The following DLGAP3 variants were observed in gnomAD, a reference collection of about 807,000 sequenced individuals.
DLGAP3 encodes the protein disks large-associated protein 3.
Under a neutral mutation model 81.2 loss-of-function variants are expected in DLGAP3, and 17 were observed. That is an observed-to-expected ratio of 0.21 (90% CI 0.14 to 0.31). The LOEUF is 0.31. Ranked by LOEUF, DLGAP3 falls within the 10% of genes least tolerant of loss-of-function variation. The probability of loss-of-function intolerance (pLI) is 1.00; values close to 1 mark genes in which losing one functional copy is unlikely to be tolerated. For synonymous variants in DLGAP3, 577 were observed against 587.4 expected (o/e 0.98, Z 0.26); for missense variants, 1,124 against 1,388.0 (o/e 0.81, Z 3.02).
At chr1:34,926,683 A>C (rs1022063702) in intron 1 of DLGAP3, among the ~76,000 whole-genome samples, 4 of 152,128 alleles carry the variant, frequency 2.6e-5, no homozygotes, top group African/African-American at 9.7e-5. Context: ...CCTCACCCCC[A>C]AAAAACTAAA....
Position 34,904,462 on chromosome 1 carries a change from A to T in DLGAP3, c.922T>A (p.Ser308Thr). ...DLSFKGRSGG[S>T]EGRCLACTGM... ...GTGCAGGCAAGGCAGCGGCCTTCCG[A>T]CCCGCCCGAGCGCCCCTTGAAGCTC... is the stretch of plus-strand genomic sequence containing the variant. Residue 308 changes from serine to threonine, a missense_variant, in exon 3 of 12, where the codon TCG becomes ACG. Physicochemically the swap from Ser to Thr is moderately conservative, Grantham distance 58 (BLOSUM62 1). Transcript: ENST00000373347. The surrounding 1 kb of genome is among the most constrained non-coding windows in gnomAD (Gnocchi z 8.1). 1.2e-6 allele frequency: 2 copies of T among 1,614,052 alleles called. No individual in the cohort carries two copies. Among genetic ancestry groups the T allele is most frequent in the Non-Finnish European group, 1.7e-6 (2 of 1,180,014 alleles).
chr1:34,870,408 G>A (rs1638961841), intron 8 of DLGAP3, among the ~76,000 whole-genome samples: 1 of 152,166 alleles, frequency 6.6e-6, no homozygotes, highest in African/African-American at 2.4e-5. Flanking sequence ...ATGGTCAGAA[G>A]GGATTGTGGG....
rs1005216004 is a variant in DLGAP3 at position 34,929,138 on chromosome 1, T to C, written c.-135+313A>G. On this transcript the variant is annotated intron_variant, in intron 1 of 11. Transcript: ENST00000373347. This position sits in a 1 kb window ranked among gnomAD's most constrained non-coding sequence, Gnocchi z 6.5. ...CCCCCACAACCAGCTGGCTACTCCCTCCCAGACCCGAGCCTCCAGCCGGGC... is the reference window on the plus strand; with the variant it reads ...CCCCCACAACCAGCTGGCTACTCCCCCCCAGACCCGAGCCTCCAGCCGGGC... 6.6e-6 allele frequency among the ~76,000 whole-genome samples: 1 copy of C among 151,764 alleles called. No homozygotes were observed.
chr1:34,872,552 C>T (rs1396483703), intron 8 of DLGAP3, among the ~76,000 whole-genome samples: 2 of 152,286 alleles, frequency 1.3e-5, no homozygotes, highest in African/African-American at 2.4e-5. Flanking sequence ...ATCCCCAGAA[C>T]CCAGGAATAT....
intron 2 of DLGAP3, among the ~76,000 whole-genome samples, chr1:34,906,016 T>TTATTTA (rs1553123745): frequency 1.5e-5 from 1 of 64,808 alleles, no homozygotes; most frequent in Non-Finnish European, 3.4e-5. Flanking sequence ...GCCTCTAAAT[T>TTATTTA]TATATATATA....
chr1:34,919,559 A>G (rs1639767673), intron 1 of DLGAP3, among the ~76,000 whole-genome samples: 1 of 152,154 alleles, frequency 6.6e-6, no homozygotes, highest in African/African-American at 2.4e-5. Flanking sequence ...TGGGCGGATC[A>G]CTTGAGGTCA....
At chr1:34,885,998 A>AG in intron 6 of DLGAP3, 74 bp downstream of exon 6, 3 of 1,435,218 alleles carry the variant, frequency 2.1e-6, no homozygotes, top group Non-Finnish European at 2.9e-6. Context: ...AGCACAGTCG[A>AG]GGGGGAGGCC....
intron 8 of DLGAP3, among the ~76,000 whole-genome samples, chr1:34,880,469 G>A (rs1030547582): frequency 4.6e-5 from 7 of 152,162 alleles, no homozygotes; most frequent in African/African-American, 1.7e-4. Context: ...AGTGGCTCAC[G>A]CCTGTAATCC....
intron 2 of DLGAP3, among the ~76,000 whole-genome samples, chr1:34,906,168 G>T: frequency 6.7e-6 from 1 of 148,836 alleles, no homozygotes; most frequent in Non-Finnish European, 1.5e-5. Flanking sequence ...ATATACTTTG[G>T]GATGTGTGTG....
chr1:34,914,231 T>G lies in DLGAP3; in HGVS notation c.-134-6794A>C, dbSNP rs554785244. ...CTGCCATAGGCCCTTTGAGACACAA[T>G]TCAGCCTGATCAGCCTCACTCCTTC... On this transcript the variant is annotated intron_variant, in intron 1 of 11. Coordinates refer to ENST00000373347, the MANE Select transcript of DLGAP3 (RefSeq NM_001080418.3). Among the ~76,000 whole-genome samples the G allele has an allele frequency of 4.6e-5, 7 of 152,310 alleles. No homozygotes were observed. In the South Asian group the frequency reaches 1.4e-3, roughly 32 times the overall value.
chr1:34,881,143 C>T (rs1639137968), intron 8 of DLGAP3, among the ~76,000 whole-genome samples: 1 of 152,154 alleles, frequency 6.6e-6, no homozygotes, highest in African/African-American at 2.4e-5. Context: ...ACTTATGATA[C>T]ATTCATAAAT....
At chr1:34,870,696 T>G (rs1193839500) in intron 8 of DLGAP3, among the ~76,000 whole-genome samples, 1 of 152,120 alleles carries the variant, frequency 6.6e-6, no homozygotes, top group South Asian at 2.1e-4. Context: ...CCTCATTGCC[T>G]CCCACACAGT....
At position 34,885,731 on chromosome 1, in the gene DLGAP3, A is replaced by C. The variant is rs1005593750; in HGVS notation, c.1661T>G (p.Ile554Ser). The change falls in exon 7 of 12, where the codon ATC becomes AGC. Residue 554 changes from isoleucine (I) to serine (S), a missense_variant. Around this residue, in one of 9 missense-constraint regions of DLGAP3, gnomAD observed 379 missense variants for 455.7 expected, o/e 0.83. Transcript: ENST00000373347. The stretch of plus-strand genomic sequence containing the variant: ...GGTGCTGCTCTGGGCGGTGATGGAG[A>C]TGCGGGGCGGGGCCTGGCTTCCCGG... ...IPPGSQAPPR[I>S]SITAQSSTDS... is the part of the protein sequence containing the mutation. 3 of 1,416,710 alleles carry C rather than the reference A, an allele frequency of 2.1e-6. No homozygotes were observed. The highest frequency in any genetic ancestry group is 2.7e-6 in the Non-Finnish European group (3 of 1,093,662). 87.8% of individuals were successfully genotyped at this position (1,416,710 alleles called of 1,614,324 possible). A position where few individuals can be genotyped will look rare whatever the true frequency, so the allele number is the denominator to read the frequency against.
At position 34,929,583 on chromosome 1, in the gene DLGAP3, G is replaced by A. The variant is rs1639925391; in HGVS notation, c.-267C>T. 6.6e-6 allele frequency: 1 copy of A among 150,376 alleles called. No individual in the cohort carries two copies. Among genetic ancestry groups the A allele is most frequent in the South Asian group, 2.1e-4 (1 of 4,820 alleles). 9.3% of individuals were successfully genotyped at this position (150,376 alleles called of 1,614,324 possible). A position where few individuals can be genotyped will look rare whatever the true frequency, so the allele number is the denominator to read the frequency against. ...CCCCAGCTGAGGGGCCGCGCCGGCT[G>A]CGGAGCCCCAAGCGAGCGCCGAGCG... is the stretch of plus-strand genomic sequence containing the variant. On this transcript the variant is annotated 5_prime_UTR_variant, in exon 1 of 12. Transcript: ENST00000373347. The surrounding 1 kb of genome is among the most constrained non-coding windows in gnomAD (Gnocchi z 6.5).
Position 34,885,627 on chromosome 1 carries a change from CG to C in DLGAP3, c.1764del (p.Ala589ProfsTer89). The C allele has an allele frequency of 6.5e-7, 1 of 1,536,960 alleles. No homozygotes were observed. The stretch of plus-strand genomic sequence containing the variant: ...AACTCCAGTGTGCGCGCACCCATGG[CG>C]GGGCCGTCCAGCCCGTCGGCGGAGC... ...RCSSADGLDG[P>X]AMGARTLELA... is the part of the protein sequence containing the mutation. On this transcript the variant is annotated frameshift_variant, in exon 7 of 12. Coordinates refer to ENST00000373347, the MANE Select transcript of DLGAP3 (RefSeq NM_001080418.3). LOFTEE classifies it high-confidence loss of function.
chr1:34,866,954 T>TCC lies in DLGAP3; in HGVS notation c.2721+92_2721+93dup, dbSNP rs1638892185. On this transcript the variant is annotated intron_variant, in intron 11 of 11. Coordinates refer to ENST00000373347, the MANE Select transcript of DLGAP3 (RefSeq NM_001080418.3). The stretch of plus-strand genomic sequence containing the variant: ...CTGCCCTTGCTGCCCATGGATCCCT[T>TCC]CCCCTGCCCCCTTGTTCGTCCCACC... The TCC allele has an allele frequency of 2.8e-6, 4 of 1,450,722 alleles. No individual in the cohort carries two copies. The Admixed American group carries it at 6.7e-5, about 24-fold the overall frequency. 89.9% of individuals were successfully genotyped at this position (1,450,722 alleles called of 1,614,324 possible).
chr1:34,924,992 G>A (rs895008507), intron 1 of DLGAP3, among the ~76,000 whole-genome samples: 6 of 152,054 alleles, frequency 3.9e-5, no homozygotes, highest in Admixed American at 1.3e-4. Context: ...GGACAGCTCC[G>A]AAGGAGCAAA....
intron 5 of DLGAP3, among the ~76,000 whole-genome samples, chr1:34,898,990 G>A (rs967250600): frequency 6.6e-6 from 1 of 152,148 alleles, no homozygotes; most frequent in Non-Finnish European, 1.5e-5. Context: ...CTTGCTGGTG[G>A]TTCCTCAGGA....
At chr1:34,924,593 A>C (rs1453450817) in intron 1 of DLGAP3, among the ~76,000 whole-genome samples, 1 of 152,094 alleles carries the variant, frequency 6.6e-6, no homozygotes, top group Non-Finnish European at 1.5e-5. Context: ...TTAATCCAGA[A>C]CCACCTTGAG....
Sources: allele counts gnomAD v4.1 joint callset (sites outside exome capture counted in the v4.1 genomes callset), GRCh38; gene constraint gnomAD v4.1.1; regional missense constraint gnomAD v4.1.1; non-coding constraint Gnocchi (gnomAD v3.1); transcripts MANE v1.5; gene names NCBI Gene and HGNC (gene_info 2026-07-23, HGNC 2026-07-21).